The following BCAS4 variants were observed in gnomAD, a reference collection of about 807,000 sequenced individuals.
BCAS4 encodes the protein breast carcinoma-amplified sequence 4.
Under a neutral mutation model 15.7 loss-of-function variants are expected in BCAS4, and 9 were observed. The observed-to-expected ratio is 0.57, with a 90% CI of 0.34 to 1.00. The LOEUF (loss-of-function observed/expected upper bound fraction) is 1.00. BCAS4 is among the 50% of genes least tolerant of loss of function. The pLI is 0.02. For missense variants in BCAS4, 225 were observed against 239.1 expected (o/e 0.94, Z 0.39); for synonymous variants, 101 against 99.5 (o/e 1.02, Z -0.09).
At chr20:50,849,329 G>C (rs184447020) in intron 4 of BCAS4, among the ~76,000 whole-genome samples, 1 of 152,192 alleles carries the variant, frequency 6.6e-6, no homozygotes, top group Admixed American at 6.5e-5. Flanking sequence ...TGCTGCCCTG[G>C]GGGAGGGAAG....
At chr20:50,806,595 G>A (rs891069135) in intron 1 of BCAS4, among the ~76,000 whole-genome samples, 3 of 152,172 alleles carry the variant, frequency 2.0e-5, no homozygotes, top group African/African-American at 4.8e-5. Context: ...CTATTGGCTG[G>A]GACATCTCAG....
At chr20:50,869,734 T>G (rs1979537338) in intron 4 of BCAS4, among the ~76,000 whole-genome samples, 1 of 145,270 alleles carries the variant, frequency 6.9e-6, no homozygotes, top group Non-Finnish European at 1.5e-5. Context: ...AAATCTGGCC[T>G]GGCACTGCTT....
At chr20:50,847,111 G>A (rs1029442326) in intron 4 of BCAS4, among the ~76,000 whole-genome samples, 6 of 151,884 alleles carry the variant, frequency 4.0e-5, no homozygotes, top group African/African-American at 1.2e-4. Context: ...AGCATGGAGC[G>A]GAAGAGCGTC....
chr20:50,877,273 G>T (rs16995564), downstream of BCAS4: 22,383 of 152,256 alleles, frequency 0.15, 3,259 homozygotes, highest in African/African-American at 0.37. Context: ...ACCTGCGAGG[G>T]CCTGATCCTG....
intron 1 of BCAS4, among the ~76,000 whole-genome samples, chr20:50,805,883 A>G (rs1378965386): frequency 2.0e-5 from 3 of 151,858 alleles, no homozygotes; most frequent in South Asian, 2.1e-4. Flanking sequence ...GCTCTGAGGT[A>G]GGAAAATTGC....
At position 50,837,389 on chromosome 20, in the gene BCAS4, T is replaced by C. The variant is rs540469684; in HGVS notation, c.265-4377T>C. ...ATCACTTGAGCGCAGGAGTTCAAGATCAGCCTGGGCAACATGGCAAGACCC... is the reference window on the plus strand; with the variant it reads ...ATCACTTGAGCGCAGGAGTTCAAGACCAGCCTGGGCAACATGGCAAGACCC... On this transcript the variant is annotated intron_variant, in intron 3 of 4. Coordinates refer to ENST00000371608, the MANE Select transcript of BCAS4 (RefSeq NM_198799.4). 3.7e-4 allele frequency among the ~76,000 whole-genome samples: 56 copies of C among 152,214 alleles called. No individual in the cohort carries two copies. In the South Asian group the frequency reaches 6.4e-3, roughly 17 times the overall value.
chr20:50,862,288 G>T (rs1260989444), intron 4 of BCAS4, among the ~76,000 whole-genome samples: 1 of 151,834 alleles, frequency 6.6e-6, no homozygotes, highest in Non-Finnish European at 1.5e-5. Context: ...GCCGCCTTTT[G>T]TTTCCCTTTG....
chr20:50,834,353 T>C (rs1038522300), intron 3 of BCAS4, among the ~76,000 whole-genome samples: 25 of 145,630 alleles, frequency 1.7e-4, no homozygotes, highest in South Asian at 1.5e-3. Context: ...TGGAGTGCAG[T>C]GGCGGAATCT....
intron 2 of BCAS4, among the ~76,000 whole-genome samples, chr20:50,827,141 A>G (rs888191327): frequency 6.6e-6 from 1 of 152,246 alleles, no homozygotes; most frequent in Admixed American, 6.5e-5. Flanking sequence ...ATCCAGTCTA[A>G]GGTGCCACAT....
intron 4 of BCAS4, among the ~76,000 whole-genome samples, chr20:50,871,855 G>T (rs557295249): frequency 3.5e-4 from 54 of 152,324 alleles, no homozygotes; most frequent in Middle Eastern, 6.8e-3. Context: ...CTCTGTGGGT[G>T]GAGGGTGAGC....
intron 4 of BCAS4, among the ~76,000 whole-genome samples, chr20:50,857,257 G>A (rs1299372936): frequency 6.6e-6 from 1 of 152,034 alleles, no homozygotes. Flanking sequence ...CCAGCCTCCC[G>A]AGTAGCTGGG....
rs1286170605 is a variant in BCAS4, at chr20:50,868,744, C to T, written c.400-7742C>T. On this transcript the variant is annotated intron_variant, in intron 4 of 4. Coordinates refer to ENST00000371608, the MANE Select transcript of BCAS4 (RefSeq NM_198799.4). ...TCCTTTCATTTCATTATCTAAATAA[C>T]CCGGGCTTGAGTCCTAGCTCAGCAC... 2.6e-5 allele frequency among the ~76,000 whole-genome samples: 4 copies of T among 152,218 alleles called. No homozygotes were observed. The East Asian group carries it at 7.7e-4, about 29-fold the overall frequency.
At chr20:50,835,534 A>G (rs192679242) in intron 3 of BCAS4, among the ~76,000 whole-genome samples, 1 of 152,020 alleles carries the variant, frequency 6.6e-6, no homozygotes, top group African/African-American at 2.4e-5. Context: ...GTGAGCCACC[A>G]TGCCTGGCCT....
intron 3 of BCAS4, chr20:50,840,608 C>A: frequency 6.3e-7 from 1 of 1,589,344 alleles, no homozygotes; most frequent in Admixed American, 1.7e-5. Flanking sequence ...TGACGGCACA[C>A]GCCTCATTAC....
At chr20:50,826,987 CA>C (rs1256663800) in intron 2 of BCAS4, among the ~76,000 whole-genome samples, 2 of 151,898 alleles carry the variant, frequency 1.3e-5, no homozygotes, top group African/African-American at 4.8e-5. Context: ...AAACAAAAAA[CA>C]ACCCACGACC....
chr20:50,857,838 T>A (rs976460742), intron 4 of BCAS4, among the ~76,000 whole-genome samples: 4 of 152,204 alleles, frequency 2.6e-5, no homozygotes, highest in African/African-American at 7.2e-5. Flanking sequence ...CCCCCATTTC[T>A]GGTTCTGTTG....
At position 50,819,650 on chromosome 20, in the gene BCAS4, G is replaced by A. The variant is rs569334649; in HGVS notation, c.162+1368G>A. On this transcript the variant is annotated intron_variant, in intron 2 of 4. Coordinates refer to ENST00000371608, the MANE Select transcript of BCAS4 (RefSeq NM_198799.4). ...GCAGAAATCCCAAGAGGACCTATAT[G>A]GTTTCTTCTCTTGAGTCAATTTTTA... Among the ~76,000 whole-genome samples the A allele has an allele frequency of 2.6e-5, 4 of 152,178 alleles. No homozygotes were observed. In the East Asian group the frequency reaches 5.8e-4, roughly 22 times the overall value.
intron 4 of BCAS4, among the ~76,000 whole-genome samples, chr20:50,863,423 ATT>A (rs769208524): frequency 6.6e-6 from 1 of 150,604 alleles, no homozygotes; most frequent in Non-Finnish European, 1.5e-5. Flanking sequence ...ATGCCTGGCT[ATT>A]TTTTGTATTT....
chr20:50,840,702 C>G (rs528169194), intron 3 of BCAS4: 1 of 1,612,862 alleles, frequency 6.2e-7, no homozygotes, highest in African/African-American at 1.3e-5. Flanking sequence ...TCTTCAGTTT[C>G]GACTTATCGA....
Sources: gnomAD v4.1 joint callset for allele counts (sites outside exome capture counted in the v4.1 genomes callset) on GRCh38, gnomAD v4.1.1 for gene constraint, MANE v1.5 for transcripts, NCBI Gene and HGNC (gene_info 2026-07-23, HGNC 2026-07-21) for gene names.